MBD5: variants seen among roughly 807,000 people sequenced by gnomAD.
MBD5 encodes methyl-CpG binding domain protein 5, also known as methyl-CpG-binding domain protein 5.
MBD5 carries 13 observed loss-of-function variants against 117.3 expected under a neutral mutation model. The observed-to-expected ratio is 0.11, with a 90% CI of 0.07 to 0.18. The LOEUF is 0.18. Among genes scored for constraint, MBD5 ranks in the 10% least tolerant of loss-of-function variants. The pLI is 1.00. For synonymous variants in MBD5, 727 were observed against 766.4 expected, an observed-to-expected ratio of 0.95 and a Z score of 0.85; for missense variants, 1,879 against 2,093.8, an observed-to-expected ratio of 0.90 and a Z score of 2.00.
At chr2:148,367,185 C>T (rs894409763) in intron 4 of MBD5, among the ~76,000 whole-genome samples, 2 of 152,144 alleles carry the variant, frequency 1.3e-5, no homozygotes, top group Non-Finnish European at 2.9e-5. Context: ...ACATCTACAA[C>T]CATCTGATCT....
intron 1 of MBD5, among the ~76,000 whole-genome samples, chr2:148,102,703 CACACACACACACACACACACACACACAG>C (rs1696253691): frequency 1.4e-3 from 28 of 20,456 alleles, no homozygotes; most frequent in African/African-American, 2.5e-3. Flanking sequence ...AGAGAGATCA[CACACACACACACACACACACACACACAG>C]AGAGAGAGAG....
In MBD5 at chr2:148,296,864, A is replaced by ATT. The variant is rs757371602; in HGVS notation, c.-679-45331_-679-45330dup. ...AAGCATAGTTTGCTTTAGTTCTTCA[A>ATT]TTTTTTTTTTTTTTTTTTTTGGAGA... On this transcript the variant is annotated intron_variant, in intron 3 of 13. Coordinates refer to ENST00000642680, the MANE Select transcript of MBD5 (RefSeq NM_001378120.1). Among the ~76,000 whole-genome samples, 14 of 61,332 alleles carry ATT rather than the reference A, an allele frequency of 2.3e-4. 1 individual carries two copies. The highest frequency in any genetic ancestry group is 1.9e-3 in the South Asian group (2 of 1,048). 40.2% of individuals were successfully genotyped at this position (61,332 alleles called of 152,430 possible). A position where few individuals can be genotyped will look rare whatever the true frequency, so the allele number is the denominator to read the frequency against.
At chr2:148,320,404 G>A (rs925675596) in intron 3 of MBD5, among the ~76,000 whole-genome samples, 1 of 152,116 alleles carries the variant, frequency 6.6e-6, no homozygotes, top group Non-Finnish European at 1.5e-5. Context: ...ACTCAGGCTG[G>A]AGTGACAGCC....
intron 1 of MBD5, among the ~76,000 whole-genome samples, chr2:148,084,676 C>CT (rs1334813558): frequency 2.0e-5 from 3 of 152,020 alleles, no homozygotes; most frequent in Middle Eastern, 3.4e-3. Context: ...TTTTGCTTTT[C>CT]TTTTTTTAAA....
At chr2:148,298,730 C>T (rs556544095) in intron 3 of MBD5, among the ~76,000 whole-genome samples, 38 of 152,270 alleles carry the variant, frequency 2.5e-4, no homozygotes, top group African/African-American at 8.4e-4. Context: ...CTCTAGAAAT[C>T]GGCATCATGC....
At chr2:148,105,439 G>T (rs902440532) in intron 1 of MBD5, among the ~76,000 whole-genome samples, 1 of 151,870 alleles carries the variant, frequency 6.6e-6, no homozygotes. Context: ...GGTTGGTCTC[G>T]AACTCCTGAC....
chr2:148,297,226 T>C (rs1701676076), intron 3 of MBD5, among the ~76,000 whole-genome samples: 1 of 152,142 alleles, frequency 6.6e-6, no homozygotes, highest in Admixed American at 6.5e-5. Flanking sequence ...AACTGGACTT[T>C]CTAGATAGCA....
rs1388555843 is a variant in MBD5 at position 148,469,910 on chromosome 2, T to C, written c.1967T>C (p.Leu656Ser). The part of the protein sequence containing the change: ...DKLMSQQKDA[L>S]RKRKQPPTTV... ...CTGATGTCTCAGCAAAAAGACGCAT[T>C]GCGGAAAAGAAAACAACCACCTACG... The change falls in exon 8 of 14, where the codon TTG (leucine) becomes TCG (serine). Residue 656 changes from leucine (L) to serine (S), a missense_variant. By Grantham distance (145) the Leu-to-Ser change is moderately radical. Coordinates refer to ENST00000642680, the MANE Select transcript of MBD5 (RefSeq NM_001378120.1). 2 of 1,613,896 alleles carry C rather than the reference T, an allele frequency of 1.2e-6. No homozygotes were observed. Among genetic ancestry groups the C allele is most frequent in the Non-Finnish European group, 1.7e-6 (2 of 1,179,894 alleles).
chr2:148,137,959 A>G (rs1172789539), intron 1 of MBD5, among the ~76,000 whole-genome samples: 1 of 152,224 alleles, frequency 6.6e-6, no homozygotes, highest in African/African-American at 2.4e-5. Context: ...TGATGTTTGC[A>G]TGATGACGGA....
chr2:148,273,281 C>G (rs1701026860), intron 3 of MBD5, among the ~76,000 whole-genome samples: 1 of 152,150 alleles, frequency 6.6e-6, no homozygotes, highest in Non-Finnish European at 1.5e-5. Flanking sequence ...GATTAACAGT[C>G]TCTTCCTGAA....
chr2:148,476,617 A>C (rs1680973142), intron 8 of MBD5, among the ~76,000 whole-genome samples: 1 of 152,152 alleles, frequency 6.6e-6, no homozygotes, highest in African/African-American at 2.4e-5. Flanking sequence ...TCATTTATCA[A>C]AAATATACTA....
chr2:148,201,617 G>A (rs562924985), intron 2 of MBD5, among the ~76,000 whole-genome samples: 10 of 152,230 alleles, frequency 6.6e-5, no homozygotes, highest in Non-Finnish European at 1.5e-4. Flanking sequence ...GCGTTCAGTC[G>A]GTCCGAAGTT....
chr2:148,324,715 C>G (rs1174893968), intron 3 of MBD5, among the ~76,000 whole-genome samples: 14 of 152,126 alleles, frequency 9.2e-5, no homozygotes, highest in Non-Finnish European at 1.9e-4. Context: ...AGTTGCTTAT[C>G]AGCTTAAGGA....
chr2:148,327,219 T>C (rs1479569412), intron 3 of MBD5, among the ~76,000 whole-genome samples: 1 of 152,158 alleles, frequency 6.6e-6, no homozygotes, highest in Admixed American at 6.5e-5. Context: ...GTTAGTCTTA[T>C]GGGCTTCCCT....
intron 1 of MBD5, among the ~76,000 whole-genome samples, chr2:148,064,695 A>C (rs1457895722): frequency 6.6e-6 from 1 of 152,128 alleles, no homozygotes; most frequent in Non-Finnish European, 1.5e-5. Flanking sequence ...GACACAAACA[A>C]ATTAAAGGAG....
chr2:148,428,202 C>G (rs1705867133), intron 4 of MBD5, among the ~76,000 whole-genome samples: 1 of 152,088 alleles, frequency 6.6e-6, no homozygotes, highest in South Asian at 2.1e-4. Flanking sequence ...ACACTAATAA[C>G]AGACAAACAG....
intron 1 of MBD5, among the ~76,000 whole-genome samples, chr2:148,137,501 C>T (rs1354428039): frequency 6.6e-6 from 1 of 152,166 alleles, no homozygotes; most frequent in Non-Finnish European, 1.5e-5. Context: ...TGGCTCACAC[C>T]TGTAATCCAG....
intron 4 of MBD5, among the ~76,000 whole-genome samples, chr2:148,365,935 C>G (rs1057365520): frequency 6.6e-6 from 1 of 151,928 alleles, no homozygotes; most frequent in Non-Finnish European, 1.5e-5. Context: ...GAAACTATTC[C>G]AAACAAAAGA....
Position 148,021,276 on chromosome 2 carries a change from TGA to T in MBD5, c.-1329_-1328del, listed in dbSNP as rs1170650519. On this transcript the variant is annotated 5_prime_UTR_variant, in exon 1 of 14. Transcript: ENST00000642680. ...TCCCCCACCCTCCAGCCCTGAGCCC[TGA>T]GAGGGGGATTGAGCCTGAGAGAGGA... 5.7e-6 allele frequency: 2 copies of T among 353,918 alleles called. No individual in the cohort carries two copies. The highest frequency in any genetic ancestry group is 7.2e-5 in the Admixed American group (2 of 27,612). 21.9% of individuals were successfully genotyped at this position (353,918 alleles called of 1,614,324 possible).
Sources: allele counts gnomAD v4.1 joint callset (sites outside exome capture counted in the v4.1 genomes callset), GRCh38; gene constraint gnomAD v4.1.1; transcripts MANE v1.5; gene names NCBI Gene and HGNC (gene_info 2026-07-23, HGNC 2026-07-21).